CTNNA3: variants seen among roughly 807,000 people sequenced by gnomAD.
CTNNA3 encodes catenin alpha 3, also known as catenin alpha-3.
Under a neutral mutation model 95.7 loss-of-function variants are expected in CTNNA3, and 76 were observed. The observed-to-expected ratio is 0.79, with a 90% confidence interval of 0.66 to 0.96. CTNNA3 has a LOEUF of 0.96. CTNNA3 is among the 40% of genes least tolerant of loss of function. The pLI, the probability that CTNNA3 is intolerant of heterozygous loss-of-function variation, is 0.00. For synonymous variants in CTNNA3, 431 were observed against 374.4 expected (o/e 1.15, Z -1.74); for missense variants, 1,191 against 1,089.8 (o/e 1.09, Z -1.31).
chr10:67,173,500 T>C (rs1862105318), intron 7 of CTNNA3, among the ~76,000 whole-genome samples: 1 of 152,204 alleles, frequency 6.6e-6, no homozygotes. Context: ...TGTTTCCTTA[T>C]ATGTTTATTT....
intron 5 of CTNNA3, among the ~76,000 whole-genome samples, chr10:67,387,830 C>G (rs1259669293): frequency 2.0e-5 from 3 of 152,158 alleles, no homozygotes; most frequent in African/African-American, 7.2e-5. Context: ...GGTATTCCAA[C>G]AGACCTGCAG....
chr10:66,359,850 TG>T (rs2092639846), intron 12 of CTNNA3, among the ~76,000 whole-genome samples: 1 of 149,194 alleles, frequency 6.7e-6, no homozygotes, highest in Non-Finnish European at 1.5e-5. Flanking sequence ...TTTTTTGAGA[TG>T]GGTCTCCCTC....
chr10:67,732,205 A>T lies in CTNNA3; in HGVS notation c.-2+31229T>A, dbSNP rs1308024163. On this transcript the variant is annotated intron_variant, in intron 1 of 17. Transcript: ENST00000684154. ...CAGCTTGGTTACATGGATATATTGCATAATGGTGAGGTCGGGCCTTTTAGT... is the reference window on the plus strand; with the variant it reads ...CAGCTTGGTTACATGGATATATTGCTTAATGGTGAGGTCGGGCCTTTTAGT... 3.3e-5 allele frequency among the ~76,000 whole-genome samples: 5 copies of T among 152,200 alleles called. No homozygotes were observed. The East Asian group carries it at 7.7e-4, about 23-fold the overall frequency.
intron 13 of CTNNA3, among the ~76,000 whole-genome samples, chr10:66,271,252 G>A (rs763092948): frequency 1.3e-5 from 2 of 152,054 alleles, no homozygotes; most frequent in Non-Finnish European, 2.9e-5. Context: ...CCCTCCATTA[G>A]CTACATCAAA....
intron 6 of CTNNA3, among the ~76,000 whole-genome samples, chr10:67,207,567 C>T (rs994725323): frequency 6.6e-6 from 1 of 152,116 alleles, no homozygotes; most frequent in Non-Finnish European, 1.5e-5. Context: ...ACCAGAAAAA[C>T]TAGGCAAGTC....
intron 1 of CTNNA3, among the ~76,000 whole-genome samples, chr10:67,676,153 A>G (rs995115423): frequency 6.6e-6 from 1 of 152,266 alleles, no homozygotes; most frequent in African/African-American, 2.4e-5. Context: ...TTTAAAATAT[A>G]TTAATGATAC....
intron 1 of CTNNA3, among the ~76,000 whole-genome samples, chr10:67,729,241 A>T (rs1458524764): frequency 6.6e-6 from 1 of 152,144 alleles, no homozygotes; most frequent in Non-Finnish European, 1.5e-5. Context: ...AAGCCTGTTC[A>T]TAGGAGAATC....
chr10:65,978,366 A>G (rs1047451841), intron 16 of CTNNA3, among the ~76,000 whole-genome samples: 1 of 151,800 alleles, frequency 6.6e-6, no homozygotes, highest in Non-Finnish European at 1.5e-5. Context: ...ATTAATTCTC[A>G]TGAATGTTTC....
intron 13 of CTNNA3, among the ~76,000 whole-genome samples, chr10:66,183,939 T>C (rs1208439542): frequency 6.6e-6 from 1 of 152,208 alleles, no homozygotes; most frequent in African/African-American, 2.4e-5. Context: ...TTTTAATATA[T>C]TCTAGATACT....
intron 2 of CTNNA3, among the ~76,000 whole-genome samples, chr10:67,612,156 C>T (rs542230632): frequency 6.6e-6 from 1 of 152,166 alleles, no homozygotes; most frequent in East Asian, 1.9e-4. Flanking sequence ...CAACACCCCC[C>T]CAAACCAACT....
chr10:66,777,539 A>G (rs1175664955), intron 7 of CTNNA3, among the ~76,000 whole-genome samples: 1 of 152,074 alleles, frequency 6.6e-6, no homozygotes, highest in Non-Finnish European at 1.5e-5. Context: ...AGCATTCTCT[A>G]TGCTAGCAGT....
At chr10:66,636,477 A>T (rs1360062508) in intron 9 of CTNNA3, among the ~76,000 whole-genome samples, 2 of 152,022 alleles carry the variant, frequency 1.3e-5, no homozygotes, top group Admixed American at 6.6e-5. Flanking sequence ...GAGGAGTAAG[A>T]AGGGATCTTG....
chr10:67,747,342 T>TTA (rs1175845685), intron 1 of CTNNA3, among the ~76,000 whole-genome samples: 1 of 152,198 alleles, frequency 6.6e-6, no homozygotes, highest in Admixed American at 6.5e-5. Flanking sequence ...ACCGGACACC[T>TTA]TATACAGGAG....
chr10:67,389,998 A>G (rs1844385856), intron 5 of CTNNA3, among the ~76,000 whole-genome samples: 1 of 151,984 alleles, frequency 6.6e-6, no homozygotes, highest in Non-Finnish European at 1.5e-5. Flanking sequence ...AATTAAAAGA[A>G]CTAGAAAAGC....
At chr10:66,876,552 T>A (rs977098781) in intron 7 of CTNNA3, among the ~76,000 whole-genome samples, 1 of 152,158 alleles carries the variant, frequency 6.6e-6, no homozygotes, top group African/African-American at 2.4e-5. Context: ...TATATCCTTA[T>A]ACACATTTAT....
chr10:66,268,718 G>A (rs1418649471), intron 13 of CTNNA3, among the ~76,000 whole-genome samples: 2 of 152,162 alleles, frequency 1.3e-5, no homozygotes, highest in Non-Finnish European at 2.9e-5. Flanking sequence ...GCATTCACCA[G>A]CTCCTTTGCA....
At chr10:66,666,090 T>G (rs1156437425) in intron 9 of CTNNA3, among the ~76,000 whole-genome samples, 1 of 152,186 alleles carries the variant, frequency 6.6e-6, no homozygotes, top group Non-Finnish European at 1.5e-5. Context: ...GGCCCCTGGA[T>G]GTTGGTAACC....
chr10:66,879,106 G>A (rs1844746202), intron 7 of CTNNA3, among the ~76,000 whole-genome samples: 2 of 152,156 alleles, frequency 1.3e-5, no homozygotes, highest in Non-Finnish European at 2.9e-5. Flanking sequence ...CAAAGCCACA[G>A]AGCCACTAGT....
At chr10:65,991,235 T>C (rs1253887757) in intron 15 of CTNNA3, among the ~76,000 whole-genome samples, 1 of 152,140 alleles carries the variant, frequency 6.6e-6, no homozygotes, top group African/African-American at 2.4e-5. Flanking sequence ...GCTTTGGCTA[T>C]TTGGGGACTT....
Sources: gnomAD v4.1 joint callset for allele counts (sites outside exome capture counted in the v4.1 genomes callset) on GRCh38, gnomAD v4.1.1 for gene constraint, MANE v1.5 for transcripts, NCBI Gene and HGNC (gene_info 2026-07-23, HGNC 2026-07-21) for gene names.